The following RBM28 variants were observed in gnomAD, a reference collection of about 807,000 sequenced individuals.
RBM28 encodes the protein RNA-binding protein 28.
Under a neutral mutation model 98.3 loss-of-function variants are expected in RBM28, and 78 were observed. The ratio of observed to expected loss-of-function variants is 0.79; its 90% CI spans 0.66 to 0.96. The LOEUF is 0.96. Ranked by LOEUF, RBM28 falls within the 40% of genes least tolerant of loss-of-function variation. The probability of loss-of-function intolerance (pLI) is 0.00; values close to 1 mark genes in which losing one functional copy is unlikely to be tolerated. For synonymous variants in RBM28, 306 were observed against 330.9 expected, an observed-to-expected ratio of 0.92 and a Z score of 0.82; for missense variants, 838 against 913.0, an observed-to-expected ratio of 0.92 and a Z score of 1.06.
At chr7:128,321,516 C>A in intron 13 of RBM28, 92 bp from the exon 14 acceptor site, 5 of 1,478,472 alleles carry the variant, frequency 3.4e-6, no homozygotes, top group Non-Finnish European at 4.7e-6. Context: ...TGATCCTCAT[C>A]CCATAACCAC....
Position 128,308,535 on chromosome 7 carries a change from G to A in RBM28, c.*2262C>T, listed in dbSNP as rs1208005845. ...TTGCCAGGCTACCGTAAGAACATTT[G>A]ACAGCCCAAGTCATGTCTCGAGGTG... On this transcript the variant is annotated 3_prime_UTR_variant, in exon 19 of 19. Transcript: ENST00000223073. 6.6e-6 allele frequency: 1 copy of A among 152,216 alleles called. No homozygotes were observed. The highest frequency in any genetic ancestry group is 6.5e-5 in the Admixed American group (1 of 15,280). 9.4% of individuals were successfully genotyped at this position (152,216 alleles called of 1,614,324 possible). A position where few individuals can be genotyped will look rare whatever the true frequency, so the allele number is the denominator to read the frequency against.
rs1212086694 is a variant in RBM28 at position 128,305,401 on chromosome 7, G to C, written c.*5396C>G. 6.6e-6 allele frequency: 1 copy of C among 152,248 alleles called. No homozygotes were observed. The highest frequency in any genetic ancestry group is 2.4e-5 in the African/African-American group (1 of 41,448). 9.4% of individuals were successfully genotyped at this position (152,248 alleles called of 1,614,324 possible). A position where few individuals can be genotyped will look rare whatever the true frequency, so the allele number is the denominator to read the frequency against. ...TTGAAAAGTGCATGCAGACAATTGA[G>C]TGTCAGATCCAGGGGAGAGGAAAAG... On this transcript the variant is annotated 3_prime_UTR_variant, in exon 19 of 19. Coordinates refer to ENST00000223073, the MANE Select transcript of RBM28 (RefSeq NM_018077.3).
At chr7:128,316,548 T>C (rs896102815) in intron 16 of RBM28, among the ~76,000 whole-genome samples, 1 of 151,900 alleles carries the variant, frequency 6.6e-6, no homozygotes, top group African/African-American at 2.4e-5. Flanking sequence ...CTGTCTCTAC[T>C]AAAAAAATAC....
At position 128,303,070 on chromosome 7, in the gene RBM28, T is replaced by A. The variant is rs553588412; in HGVS notation, c.*7727A>T. ...TGAGCCACCAAGCCCAGCTGGAAGT[T>A]TTTAAAACGTTTCAACATTCAAAGA... is the stretch of plus-strand genomic sequence containing the variant. On this transcript the variant is annotated 3_prime_UTR_variant, in exon 19 of 19. Coordinates refer to ENST00000223073, the MANE Select transcript of RBM28 (RefSeq NM_018077.3). The A allele has an allele frequency of 6.6e-6, 1 of 152,306 alleles. No individual in the cohort carries two copies. The highest frequency in any genetic ancestry group is 1.5e-5 in the Non-Finnish European group (1 of 68,030). 9.4% of individuals were successfully genotyped at this position (152,306 alleles called of 1,614,324 possible).
intron 10 of RBM28, among the ~76,000 whole-genome samples, chr7:128,329,582 G>A (rs1423727823): frequency 1.3e-5 from 2 of 151,932 alleles, no homozygotes; most frequent in South Asian, 2.1e-4. Context: ...GATCTCAAAC[G>A]AATCATGAAT....
intron 5 of RBM28, 33 bp downstream of exon 5, chr7:128,338,217 T>C: frequency 1.3e-6 from 2 of 1,513,564 alleles, no homozygotes; most frequent in Non-Finnish European, 1.8e-6. Context: ...ACCAGAAATA[T>C]CTGGGTCAAT....
chr7:128,314,968 T>C lies in RBM28; in HGVS notation c.1841A>G (p.Glu614Gly). The C allele has an allele frequency of 2.5e-6, 4 of 1,614,228 alleles. No individual in the cohort carries two copies. The highest frequency in any genetic ancestry group is 1.7e-5 in the Admixed American group (1 of 60,022). Residue 614 changes from glutamate to glycine, a missense_variant, in exon 17 of 19, where the codon GAG becomes GGG. Physicochemically the swap from Glu to Gly is moderately conservative, Grantham distance 98 (BLOSUM62 -2). Coordinates refer to ENST00000223073, the MANE Select transcript of RBM28 (RefSeq NM_018077.3). ...CTTCTGTTGCTGGTCTTTTGCAGGCTCTGGTTGCCCCTTCTGAGGCTCACC... is the reference window on the plus strand; with the variant it reads ...CTTCTGTTGCTGGTCTTTTGCAGGCCCTGGTTGCCCCTTCTGAGGCTCACC... ...ATGEPQKGQP[E>G]PAKDQQQKAA...
chr7:128,299,311 T>G lies in RBM28; in HGVS notation c.*11486A>C, dbSNP rs57403126. 11,419 of 152,258 alleles carry G rather than the reference T, an allele frequency of 0.075. 1,229 individuals are homozygous for G. The highest frequency in any genetic ancestry group is 0.24 in the African/African-American group (9,815 of 41,510). The allele number at this position is 152,258 out of a possible 1,614,324, so 9.4% of individuals were successfully genotyped here. On this transcript the variant is annotated 3_prime_UTR_variant, in exon 19 of 19. Transcript: ENST00000223073. ...TTTGGCAGGCCCTGGCTATAGGGAT[T>G]GTCCCTAGTTGTCCCATGCCTGGCC...
chr7:128,318,117 A>G lies in RBM28; in HGVS notation c.1564-11T>C. The G allele has an allele frequency of 6.2e-6, 10 of 1,606,126 alleles. No homozygotes were observed. The highest frequency in any genetic ancestry group is 7.7e-6 in the Non-Finnish European group (9 of 1,172,806). ...TCGCATCACTCTACACTATGAGTAG[A>G]GCAAGAAAAAAATCAGTAATTACAG... On this transcript the variant is annotated splice_polypyrimidine_tract_variant and intron_variant, in intron 14 of 18. Coordinates refer to ENST00000223073, the MANE Select transcript of RBM28 (RefSeq NM_018077.3).
intron 17 of RBM28, among the ~76,000 whole-genome samples, chr7:128,314,499 A>C (rs909373982): frequency 6.6e-6 from 1 of 152,262 alleles, no homozygotes; most frequent in Admixed American, 6.5e-5. Context: ...CAGCTGGCAG[A>C]GATGGCCATC....
At chr7:128,315,330 A>G (rs1796085279) in intron 16 of RBM28, among the ~76,000 whole-genome samples, 1 of 152,234 alleles carries the variant, frequency 6.6e-6, no homozygotes. Context: ...TAGAAGGAGA[A>G]TACAAGAAGA....
intron 18 of RBM28, 51 bp downstream of exon 18, chr7:128,313,124 C>T (rs1317333244): frequency 1.3e-6 from 2 of 1,551,320 alleles, no homozygotes; most frequent in African/African-American, 1.4e-5. Flanking sequence ...AACATGGCTA[C>T]GACCTGGCAG....
intron 9 of RBM28, 139 bp from the exon 10 acceptor site, chr7:128,331,067 G>T: frequency 1.4e-6 from 1 of 700,994 alleles, no homozygotes; most frequent in Non-Finnish European, 2.6e-6. Context: ...GGCCCCCAGT[G>T]ACCCTTGGCC....
At chr7:128,339,867 T>C in intron 1 of RBM28, 76 bp from the exon 2 acceptor site, 1 of 1,492,960 alleles carries the variant, frequency 6.7e-7, no homozygotes, top group East Asian at 2.3e-5. Flanking sequence ...GAGCACTAAA[T>C]GAGTAAATCC....
At chr7:128,314,251 C>G (rs549681604) in intron 17 of RBM28, among the ~76,000 whole-genome samples, 1 of 152,168 alleles carries the variant, frequency 6.6e-6, no homozygotes, top group East Asian at 1.9e-4. Flanking sequence ...CGTGAGCCAC[C>G]GCGCCCAGCC....
At position 128,330,879 on chromosome 7, in the gene RBM28, G is replaced by A; in HGVS notation, c.1069C>T (p.Gln357Ter). Residue 357 changes from glutamine to a stop codon, truncating the protein, a stop_gained, in exon 10 of 19, where the codon CAG (glutamine) becomes TAG (stop). Transcript: ENST00000223073. LOFTEE classifies it high-confidence loss of function. ...CGGACATATTTGAGTTCTCCAAACT[G>A]TTGGAGAAGCTCCCCAAGTTCTTCT... ...EEEELGELLQ[Q>*]FGELKYVRIV... 6.2e-7 allele frequency: 1 copy of A among 1,614,056 alleles called. No individual in the cohort carries two copies. Among genetic ancestry groups the A allele is most frequent in the South Asian group, 1.1e-5 (1 of 91,090 alleles).
chr7:128,316,197 A>G (rs1796104502), intron 16 of RBM28, among the ~76,000 whole-genome samples: 2 of 152,216 alleles, frequency 1.3e-5, no homozygotes, highest in South Asian at 4.1e-4. Flanking sequence ...TGGAGATAAG[A>G]GATGCATTCA....
At chr7:128,331,520 A>G (rs1486379620) in intron 9 of RBM28, among the ~76,000 whole-genome samples, 2 of 152,204 alleles carry the variant, frequency 1.3e-5, no homozygotes, top group East Asian at 1.9e-4. Context: ...GAAGACTCAC[A>G]GCAGACTAGT....
chr7:128,341,205 A>G (rs1796716798), intron 1 of RBM28: 1 of 1,287,554 alleles, frequency 7.8e-7, no homozygotes, highest in Non-Finnish European at 1.0e-6. Context: ...GACACAGGAC[A>G]CTGATCTACA....
Sources: allele counts gnomAD v4.1 joint callset (sites outside exome capture counted in the v4.1 genomes callset), GRCh38; gene constraint gnomAD v4.1.1; transcripts MANE v1.5; gene names NCBI Gene and HGNC (gene_info 2026-07-23, HGNC 2026-07-21).